Variants in NEURL2 observed in about 807,000 individuals in gnomAD.
NEURL2 encodes the protein neuralized-like protein 2.
In NEURL2, 16 loss-of-function variants were observed where a neutral mutation model predicts 15.9. The ratio of observed to expected loss-of-function variants is 1.01; its 90% CI spans 0.68 to 1.53. The LOEUF (loss-of-function observed/expected upper bound fraction) is 1.53. Among genes scored for constraint, NEURL2 ranks in the 40% most tolerant of loss-of-function variants. The probability of loss-of-function intolerance (pLI) is 0.00; values close to 1 mark genes in which losing one functional copy is unlikely to be tolerated. For missense variants in NEURL2, 393 were observed against 407.8 expected, an observed-to-expected ratio of 0.96 and a Z score of 0.31; for synonymous variants, 188 against 178.3, an observed-to-expected ratio of 1.05 and a Z score of -0.43.
At position 45,891,171 on chromosome 20, in the gene NEURL2, A is replaced by G. The variant is rs1021190044; in HGVS notation, c.-180T>C. 2 of 1,024,736 alleles carry G rather than the reference A, an allele frequency of 2.0e-6. No individual in the cohort carries two copies. Among genetic ancestry groups the G allele is most frequent in the Non-Finnish European group, 1.5e-6 (1 of 688,352 alleles). 63.5% of individuals were successfully genotyped at this position (1,024,736 alleles called of 1,614,324 possible). ...CGCCTACAACTTAGCCGTCCACAAC[A>G]GGATCATCTGATCGCGTGCGCCCGG... On this transcript the variant is annotated 5_prime_UTR_variant, in exon 1 of 2. Coordinates refer to ENST00000372518, the MANE Select transcript of NEURL2 (RefSeq NM_080749.4). The surrounding 1 kb of genome is among the most constrained non-coding windows in gnomAD (Gnocchi z 4.6).
Position 45,888,924 on chromosome 20 carries a change from G to A in NEURL2, c.743-51C>T, listed in dbSNP as rs748240620. 2.5e-6 allele frequency: 4 copies of A among 1,609,222 alleles called. 1 individual carries two copies. In the South Asian group the frequency reaches 4.4e-5, roughly 18 times the overall value. On this transcript the variant is annotated intron_variant, in intron 1 of 1. Coordinates refer to ENST00000372518, the MANE Select transcript of NEURL2 (RefSeq NM_080749.4). The stretch of plus-strand genomic sequence containing the variant: ...AAACTGAACTGGAGGGTGGGTCTGA[G>A]GCCAAGATCCAGAAGGTCTAGGTCA...
Position 45,891,059 on chromosome 20 carries a change from G to A in NEURL2, c.-68C>T. 2.1e-6 allele frequency: 3 copies of A among 1,408,776 alleles called. No homozygotes were observed. The highest frequency in any genetic ancestry group is 2.8e-6 in the Non-Finnish European group (3 of 1,066,724). The allele number at this position is 1,408,776 out of a possible 1,614,324, so 87.3% of individuals were successfully genotyped here. On this transcript the variant is annotated 5_prime_UTR_variant, in exon 1 of 2. Coordinates refer to ENST00000372518, the MANE Select transcript of NEURL2 (RefSeq NM_080749.4). This position sits in a 1 kb window ranked among gnomAD's most constrained non-coding sequence, Gnocchi z 4.6. ...TGGGCGGCGGGCAATGATGGTGACC[G>A]CAAGGCGACCTTGTAAGGCATTTCC...
intron 1 of NEURL2, among the ~76,000 whole-genome samples, chr20:45,889,215 G>A (rs974791791): frequency 2.6e-5 from 4 of 152,192 alleles, no homozygotes; most frequent in Non-Finnish European, 5.9e-5. Context: ...CATGAAATGT[G>A]ATGAGAGGTA....
At chr20:45,889,365 T>G (rs1986628393) in intron 1 of NEURL2, among the ~76,000 whole-genome samples, 1 of 152,054 alleles carries the variant, frequency 6.6e-6, no homozygotes, top group African/African-American at 2.4e-5. Flanking sequence ...TTCTTTTTTT[T>G]TTTTTATTTA....
intron 1 of NEURL2, among the ~76,000 whole-genome samples, chr20:45,889,412 T>C (rs1986633457): frequency 6.6e-6 from 1 of 152,044 alleles, no homozygotes; most frequent in Admixed American, 6.6e-5. Context: ...CAGGCTGAAG[T>C]GCAGTGCTCA....
Position 45,891,105 on chromosome 20 carries a change from G to A in NEURL2, c.-114C>T. 1.7e-6 allele frequency: 2 copies of A among 1,201,160 alleles called. No homozygotes were observed. The highest frequency in any genetic ancestry group is 2.3e-6 in the Non-Finnish European group (2 of 874,460). 74.4% of individuals were successfully genotyped at this position (1,201,160 alleles called of 1,614,324 possible). A position where few individuals can be genotyped will look rare whatever the true frequency, so the allele number is the denominator to read the frequency against. On this transcript the variant is annotated 5_prime_UTR_variant, in exon 1 of 2. Coordinates refer to ENST00000372518, the MANE Select transcript of NEURL2 (RefSeq NM_080749.4). The surrounding 1 kb of genome is among the most constrained non-coding windows in gnomAD (Gnocchi z 4.6). ...TTTCCCCCCTGACTCCCTTCCCCGA[G>A]CCTCTGCCCGGGGGTCCTAGCGCCG...
chr20:45,890,619 C>T lies in NEURL2; in HGVS notation c.373G>A (p.Glu125Lys). The T allele has an allele frequency of 2.5e-6, 4 of 1,613,030 alleles. No homozygotes were observed. The highest frequency in any genetic ancestry group is 1.7e-4 in the Middle Eastern group (1 of 6,058). The change falls in exon 1 of 2, where the codon GAG becomes AAG. Residue 125 changes from glutamate to lysine, a missense_variant. Glu to Lys is a moderately conservative substitution (Grantham distance 56). Coordinates refer to ENST00000372518, the MANE Select transcript of NEURL2 (RefSeq NM_080749.4). ...GCTGCCTCCGCCTCCGGGCGGCCCT[C>T]CCGGGGCACGCGGTTGTGGTGGCGC... is the stretch of plus-strand genomic sequence containing the variant. ...ITRHHNRVPREGRPEAEAAAP... is the reference protein window; with the variant it reads ...ITRHHNRVPRKGRPEAEAAAP...
rs1986721748 is a variant in NEURL2 at position 45,890,476 on chromosome 20, C to A, written c.516G>T (p.Leu172Phe). The part of the protein sequence containing the change: ...RSRPGLYSHL[L>F]DQLYELNVLP... ...GCACGTTCAGCTCATAGAGCTGGTC[C>A]AAGAGATGGCTGTAGAGCCCTGGCC... Residue 172 changes from leucine to phenylalanine, a missense_variant, in exon 1 of 2, where the codon TTG (leucine) becomes TTT (phenylalanine). Coordinates refer to ENST00000372518, the MANE Select transcript of NEURL2 (RefSeq NM_080749.4). 1.9e-6 allele frequency: 3 copies of A among 1,599,808 alleles called. No individual in the cohort carries two copies. The African/African-American group carries it at 4.0e-5, about 21-fold the overall frequency.
chr20:45,891,092 C>G lies in NEURL2; in HGVS notation c.-101G>C, dbSNP rs558829056. On this transcript the variant is annotated 5_prime_UTR_variant, in exon 1 of 2. Coordinates refer to ENST00000372518, the MANE Select transcript of NEURL2 (RefSeq NM_080749.4). The surrounding 1 kb of genome is among the most constrained non-coding windows in gnomAD (Gnocchi z 4.6). The stretch of plus-strand genomic sequence containing the variant: ...ACCTTGTAAGGCATTTCCCCCCTGA[C>G]TCCCTTCCCCGAGCCTCTGCCCGGG... The G allele has an allele frequency of 5.4e-5, 68 of 1,269,666 alleles. No individual in the cohort carries two copies. The East Asian group carries it at 1.2e-3, about 23-fold the overall frequency. 78.7% of individuals were successfully genotyped at this position (1,269,666 alleles called of 1,614,324 possible). A position where few individuals can be genotyped will look rare whatever the true frequency, so the allele number is the denominator to read the frequency against.
At position 45,890,234 on chromosome 20, in the gene NEURL2, G is replaced by A. The variant is rs573078854; in HGVS notation, c.742+16C>T. 6.2e-7 allele frequency: 1 copy of A among 1,613,810 alleles called. No individual in the cohort carries two copies. Among genetic ancestry groups the A allele is most frequent in the Non-Finnish European group, 8.5e-7 (1 of 1,180,014 alleles). On this transcript the variant is annotated intron_variant, in intron 1 of 1. Coordinates refer to ENST00000372518, the MANE Select transcript of NEURL2 (RefSeq NM_080749.4). ...CCACACTGAGCCAGGAGGGGTCGCT[G>A]CCCAGGGATACCTACAGCCATACTC...
chr20:45,889,708 G>A (rs940980243), intron 1 of NEURL2, among the ~76,000 whole-genome samples: 18 of 151,676 alleles, frequency 1.2e-4, no homozygotes, highest in African/African-American at 4.4e-4. Flanking sequence ...CCACCTCTCG[G>A]GTTCAAGTGA....
At position 45,891,077 on chromosome 20, in the gene NEURL2, G is replaced by C; in HGVS notation, c.-86C>G. The C allele has an allele frequency of 7.4e-7, 1 of 1,347,218 alleles. No homozygotes were observed. The highest frequency in any genetic ancestry group is 9.9e-7 in the Non-Finnish European group (1 of 1,011,258). The allele number at this position is 1,347,218 out of a possible 1,614,324, so 83.5% of individuals were successfully genotyped here. ...GGTGACCGCAAGGCGACCTTGTAAGGCATTTCCCCCCTGACTCCCTTCCCC... is the reference window on the plus strand; with the variant it reads ...GGTGACCGCAAGGCGACCTTGTAAGCCATTTCCCCCCTGACTCCCTTCCCC... On this transcript the variant is annotated 5_prime_UTR_variant, in exon 1 of 2. Coordinates refer to ENST00000372518, the MANE Select transcript of NEURL2 (RefSeq NM_080749.4). This position sits in a 1 kb window ranked among gnomAD's most constrained non-coding sequence, Gnocchi z 4.6.
chr20:45,890,044 TAATC>T (rs1986675426), intron 1 of NEURL2: 4 of 600,756 alleles, frequency 6.7e-6, no homozygotes, highest in South Asian at 4.1e-5. Context: ...TAGGGCATCT[TAATC>T]AATCAACCAA....
chr20:45,890,013 T>C (rs1986673330), intron 1 of NEURL2: 1 of 579,824 alleles, frequency 1.7e-6, no homozygotes, highest in Admixed American at 3.2e-5. Flanking sequence ...GGAAACACTA[T>C]CAAAACTAAA....
In NEURL2 at chr20:45,888,870, G is replaced by A. The variant is rs139661012; in HGVS notation, c.746C>T (p.Pro249Leu). 4.9e-5 allele frequency: 79 copies of A among 1,614,006 alleles called. No individual in the cohort carries two copies. Among genetic ancestry groups the A allele is most frequent in the Non-Finnish European group, 6.5e-5 (77 of 1,179,998 alleles). Residue 249 changes from proline to leucine, a missense_variant, in exon 2 of 2, where the codon CCA becomes CTA. Coordinates refer to ENST00000372518, the MANE Select transcript of NEURL2 (RefSeq NM_080749.4). The part of the protein sequence containing the change: ...VRLVQLEYGL[P>L]SLQTLCRLVI... ...TAGGCGGCACAGAGTCTGCAGGGAT[G>A]GCACTGTGGGAAGAAGACTGTGAAA...
chr20:45,890,406 G>A lies in NEURL2; in HGVS notation c.586C>T (p.Pro196Ser), dbSNP rs1001455876. Residue 196 changes from proline to serine, a missense_variant, in exon 1 of 2, where the codon CCG (proline) becomes TCG (serine). Pro to Ser is a moderately conservative substitution (Grantham distance 74). Transcript: ENST00000372518. ...RRSRLGVLFC[P>S]RPDGTADMHI... ...ATGTCGGCCGTGCCATCGGGGCGCG[G>A]GCAAAAGAGGACACCCAGGCGGCTA... 1.2e-5 allele frequency: 20 copies of A among 1,612,250 alleles called. No individual in the cohort carries two copies. The highest frequency in any genetic ancestry group is 1.2e-4 in the African/African-American group (9 of 74,918).
chr20:45,890,137 C>T (rs1262550740), intron 1 of NEURL2, 113 bp downstream of exon 1: 10 of 1,177,674 alleles, frequency 8.5e-6, no homozygotes, highest in Non-Finnish European at 1.1e-5. Context: ...CTAGATTCTC[C>T]CACTCTTAAA....
Position 45,888,649 on chromosome 20 carries a change from C to T in NEURL2, c.*109G>A, listed in dbSNP as rs755003032. The T allele has an allele frequency of 2.5e-5, 25 of 999,764 alleles. No homozygotes were observed. The highest frequency in any genetic ancestry group is 3.3e-5 in the Non-Finnish European group (22 of 662,896). 61.9% of individuals were successfully genotyped at this position (999,764 alleles called of 1,614,324 possible). ...CTTCCAGTGATCAAGATGTCAGCATCGGCTGTTTATTTCTGGTCTTGGCTG... is the reference window on the plus strand; with the variant it reads ...CTTCCAGTGATCAAGATGTCAGCATTGGCTGTTTATTTCTGGTCTTGGCTG... On this transcript the variant is annotated 3_prime_UTR_variant, in exon 2 of 2. Coordinates refer to ENST00000372518, the MANE Select transcript of NEURL2 (RefSeq NM_080749.4).
chr20:45,889,357 CTTTTT>C, intron 1 of NEURL2, among the ~76,000 whole-genome samples: 1 of 145,738 alleles, frequency 6.9e-6, no homozygotes, highest in African/African-American at 2.5e-5. Flanking sequence ...TCTTTTCTTT[CTTTTT>C]TTTTTTTTAT....
Sources: gnomAD v4.1 joint callset for allele counts (sites outside exome capture counted in the v4.1 genomes callset) on GRCh38, gnomAD v4.1.1 for gene constraint, Gnocchi (gnomAD v3.1) non-coding constraint, MANE v1.5 for transcripts, NCBI Gene and HGNC (gene_info 2026-07-23, HGNC 2026-07-21) for gene names.